Variants in SLC2A13 observed in about 807,000 individuals in gnomAD.
SLC2A13 encodes proton myo-inositol cotransporter.
SLC2A13 carries 32 observed loss-of-function variants against 64.4 expected under a neutral mutation model. That is an observed-to-expected ratio of 0.50 (90% CI 0.37 to 0.67). The LOEUF (loss-of-function observed/expected upper bound fraction) is 0.67, where lower values mean the gene tolerates loss of function less well. Among genes scored for constraint, SLC2A13 ranks in the 30% least tolerant of loss-of-function variants. The pLI, the probability that SLC2A13 is intolerant of heterozygous loss-of-function variation, is 0.00. For synonymous variants in SLC2A13, 338 were observed against 327.1 expected, an observed-to-expected ratio of 1.03 and a Z score of -0.36; for missense variants, 743 against 829.2, an observed-to-expected ratio of 0.90 and a Z score of 1.28.
At chr12:39,911,060 G>A (rs1945419613) in intron 4 of SLC2A13, among the ~76,000 whole-genome samples, 1 of 151,946 alleles carries the variant, frequency 6.6e-6, no homozygotes, top group South Asian at 2.1e-4. Context: ...TTCTAGCCTG[G>A]GCAACAAGAG....
intron 4 of SLC2A13, among the ~76,000 whole-genome samples, chr12:39,928,977 G>C (rs1345350500): frequency 2.6e-5 from 4 of 152,142 alleles, no homozygotes; most frequent in Non-Finnish European, 5.9e-5. Context: ...AAGATCCTTT[G>C]CCCTCCCCAC....
chr12:39,957,499 C>T (rs979503753), intron 3 of SLC2A13, among the ~76,000 whole-genome samples: 3 of 152,134 alleles, frequency 2.0e-5, no homozygotes, highest in Admixed American at 6.5e-5. Context: ...TTTCATGGTC[C>T]CACCTGCCAC....
chr12:39,808,560 T>C (rs1942048931), intron 7 of SLC2A13, among the ~76,000 whole-genome samples: 1 of 152,172 alleles, frequency 6.6e-6, no homozygotes, highest in African/African-American at 2.4e-5. Flanking sequence ...TACATTCCCA[T>C]TAACATGATG....
intron 1 of SLC2A13, among the ~76,000 whole-genome samples, chr12:40,067,872 C>T (rs1035368051): frequency 6.6e-6 from 1 of 152,106 alleles, no homozygotes; most frequent in African/African-American, 2.4e-5. Flanking sequence ...TGTTTAATCC[C>T]ATAGACAGAT....
At chr12:39,773,127 T>A (rs1940645360) in intron 7 of SLC2A13, among the ~76,000 whole-genome samples, 1 of 152,190 alleles carries the variant, frequency 6.6e-6, no homozygotes, top group Non-Finnish European at 1.5e-5. Context: ...TACTTTGACA[T>A]CAGTGTGTGG....
intron 7 of SLC2A13, among the ~76,000 whole-genome samples, chr12:39,788,146 C>T (rs117133140): frequency 0.037 from 5,591 of 152,210 alleles, 146 homozygotes; most frequent in Non-Finnish European, 0.055. Context: ...GTGAGGGATA[C>T]ATTCCAAGAT....
At chr12:39,772,223 T>C (rs1940607261) in intron 7 of SLC2A13, among the ~76,000 whole-genome samples, 1 of 152,132 alleles carries the variant, frequency 6.6e-6, no homozygotes, top group Non-Finnish European at 1.5e-5. Flanking sequence ...CTGCATGAGT[T>C]TGTATCTCAG....
intron 7 of SLC2A13, among the ~76,000 whole-genome samples, chr12:39,801,133 T>C (rs1175862232): frequency 1.1e-5 from 1 of 88,884 alleles, no homozygotes; most frequent in Non-Finnish European, 2.2e-5. Flanking sequence ...CATTGGGAGA[T>C]ATACCTAATG....
intron 7 of SLC2A13, among the ~76,000 whole-genome samples, chr12:39,815,677 TCTA>T (rs796276514): frequency 6.6e-6 from 1 of 152,184 alleles, no homozygotes; most frequent in Non-Finnish European, 1.5e-5. Context: ...GGAAAGCAGT[TCTA>T]CTAAAGGGCA....
intron 3 of SLC2A13, among the ~76,000 whole-genome samples, chr12:39,957,459 G>A (rs757943690): frequency 4.6e-5 from 7 of 152,104 alleles, no homozygotes; most frequent in African/African-American, 7.2e-5. Context: ...CCTTACGACT[G>A]CAATTCCTCC....
intron 4 of SLC2A13, among the ~76,000 whole-genome samples, chr12:39,896,185 TG>T (rs1944836411): frequency 1.3e-5 from 2 of 148,872 alleles, no homozygotes; most frequent in Non-Finnish European, 3.0e-5. Context: ...TATGTATATA[TG>T]TATATATGTG....
At chr12:39,783,462 G>C (rs949648318) in intron 7 of SLC2A13, among the ~76,000 whole-genome samples, 1 of 152,152 alleles carries the variant, frequency 6.6e-6, no homozygotes. Context: ...TTCCACAATG[G>C]TTGAACTAGT....
At chr12:39,767,600 A>G (rs570575421) in intron 7 of SLC2A13, among the ~76,000 whole-genome samples, 7 of 152,176 alleles carry the variant, frequency 4.6e-5, no homozygotes, top group Admixed American at 4.6e-4. Flanking sequence ...TTCTTCCAAC[A>G]GAAGGCAGTT....
chr12:39,931,270 T>A (rs1283591911), intron 4 of SLC2A13, among the ~76,000 whole-genome samples: 1 of 152,186 alleles, frequency 6.6e-6, no homozygotes, highest in African/African-American at 2.4e-5. Flanking sequence ...TCTTCCCTTA[T>A]CAAGGGCAAA....
At chr12:39,995,612 T>C (rs1363977356) in intron 3 of SLC2A13, among the ~76,000 whole-genome samples, 1 of 152,202 alleles carries the variant, frequency 6.6e-6, no homozygotes, top group East Asian at 1.9e-4. Context: ...ATGCACTATC[T>C]CAAATATTGT....
chr12:39,887,158 G>C (rs1944483532), intron 4 of SLC2A13, among the ~76,000 whole-genome samples: 1 of 151,506 alleles, frequency 6.6e-6, no homozygotes, highest in Non-Finnish European at 1.5e-5. Flanking sequence ...AAATTTTTTT[G>C]CAAAAAAAAG....
intron 6 of SLC2A13, among the ~76,000 whole-genome samples, chr12:39,833,892 T>TA (rs1161840484): frequency 0.039 from 3,448 of 88,340 alleles, 99 homozygotes; most frequent in East Asian, 0.09. Flanking sequence ...AGCATGGTCA[T>TA]AAAAAAAAAA....
chr12:39,893,188 C>A (rs1194514970), intron 4 of SLC2A13, among the ~76,000 whole-genome samples: 1 of 152,068 alleles, frequency 6.6e-6, no homozygotes, highest in African/African-American at 2.4e-5. Flanking sequence ...ATTAGATTGG[C>A]CAATTTTCTA....
At chr12:39,903,932 G>C (rs1407029274) in intron 4 of SLC2A13, among the ~76,000 whole-genome samples, 1 of 151,998 alleles carries the variant, frequency 6.6e-6, no homozygotes, top group Non-Finnish European at 1.5e-5. Flanking sequence ...CTCATATTTG[G>C]ACTAAAGAAC....
Sources: gnomAD v4.1 joint callset for allele counts (sites outside exome capture counted in the v4.1 genomes callset) on GRCh38, gnomAD v4.1.1 for gene constraint, MANE v1.5 for transcripts, NCBI Gene and HGNC (gene_info 2026-07-23, HGNC 2026-07-21) for gene names.